The following KCNA3 variants were observed in gnomAD, a reference collection of about 807,000 sequenced individuals.
KCNA3 encodes RP11-284N8.3.
Under a neutral mutation model 34.3 loss-of-function variants are expected in KCNA3, and 18 were observed. That is an observed-to-expected ratio of 0.52 (90% CI 0.36 to 0.78). The LOEUF is 0.78. Among genes scored for constraint, KCNA3 ranks in the 30% least tolerant of loss-of-function variants. KCNA3 has a pLI of 0.00. For missense variants in KCNA3, 587 were observed against 802.5 expected (o/e 0.73, Z 3.24); for synonymous variants, 324 against 351.7 (o/e 0.92, Z 0.88).
chr1:110,653,901 T>C, the KCNA3 span: 1 of 152,070 alleles, frequency 6.6e-6, no homozygotes. Context: ...AAATAATGCT[T>C]GCTTATTTGA....
the KCNA3 span, among the ~76,000 whole-genome samples, chr1:110,663,134 C>A: frequency 3.3e-4 from 50 of 152,170 alleles, no homozygotes; most frequent in African/African-American, 9.6e-4. Flanking sequence ...TCTTAAATGT[C>A]TAATACCTTG....
downstream of KCNA3, among the ~76,000 whole-genome samples, chr1:110,670,202 C>G (rs1223683325): frequency 6.6e-6 from 1 of 152,178 alleles, no homozygotes; most frequent in African/African-American, 2.4e-5. Context: ...TGTAAGATAA[C>G]AGCCATTCAC....
At chr1:110,654,258 A>G in the KCNA3 span, 1 of 152,214 alleles carries the variant, frequency 6.6e-6, no homozygotes, top group Non-Finnish European at 1.5e-5. Flanking sequence ...CTTGATAATC[A>G]ATTCTTTTTG....
the KCNA3 span, among the ~76,000 whole-genome samples, chr1:110,667,303 C>G: frequency 6.6e-6 from 1 of 151,958 alleles, no homozygotes; most frequent in Admixed American, 6.6e-5. Flanking sequence ...TGGGTAGGGG[C>G]CTCCATAGAG....
downstream of KCNA3, among the ~76,000 whole-genome samples, chr1:110,668,953 C>T (rs200280322): frequency 6.6e-5 from 10 of 152,296 alleles, no homozygotes; most frequent in East Asian, 1.9e-3. Flanking sequence ...AATCATTATC[C>T]ATTTTCATTT....
chr1:110,672,097 T>C (rs140864656), downstream of KCNA3, among the ~76,000 whole-genome samples: 250 of 152,238 alleles, frequency 1.6e-3, 1 homozygote, highest in Non-Finnish European at 3.1e-3. Flanking sequence ...TCTGGAAAGG[T>C]TACTGTGGAA....
chr1:110,664,097 A>C, the KCNA3 span, among the ~76,000 whole-genome samples: 1 of 152,162 alleles, frequency 6.6e-6, no homozygotes, highest in Non-Finnish European at 1.5e-5. Flanking sequence ...GATTTTCAGG[A>C]CTCATCATTA....
At chr1:110,665,847 T>A in the KCNA3 span, among the ~76,000 whole-genome samples, 1 of 152,084 alleles carries the variant, frequency 6.6e-6, no homozygotes, top group Non-Finnish European at 1.5e-5. Flanking sequence ...TAGGTCAAAT[T>A]GAAATGAGAA....
At chr1:110,659,893 C>A in the KCNA3 span, among the ~76,000 whole-genome samples, 1 of 147,034 alleles carries the variant, frequency 6.8e-6, no homozygotes, top group African/African-American at 2.5e-5. Flanking sequence ...AATGAGATCA[C>A]TCGGACACAA....
At chr1:110,659,624 T>C in the KCNA3 span, among the ~76,000 whole-genome samples, 1 of 152,164 alleles carries the variant, frequency 6.6e-6, no homozygotes, top group Non-Finnish European at 1.5e-5. Context: ...TACTGGTATA[T>C]TTAACTTTTA....
chr1:110,662,040 G>C, the KCNA3 span, among the ~76,000 whole-genome samples: 1 of 149,712 alleles, frequency 6.7e-6, no homozygotes, highest in African/African-American at 2.5e-5. Flanking sequence ...GTGAACCCGG[G>C]AGGCAAAACT....
Position 110,672,969 on chromosome 1 carries a change from T to G in KCNA3, c.*113A>C. The stretch of plus-strand genomic sequence containing the variant: ...GAGAATGAAGTGTGCTTTCCACTTC[T>G]TCAGGTCCTTTCCTTGATGAATGGT... On this transcript the variant is annotated 3_prime_UTR_variant, in exon 1 of 1. Coordinates refer to ENST00000369769, the MANE Select transcript of KCNA3 (RefSeq NM_002232.5). The G allele has an allele frequency of 9.3e-7, 1 of 1,078,974 alleles. No homozygotes were observed. Among genetic ancestry groups the G allele is most frequent in the Non-Finnish European group, 1.3e-6 (1 of 742,818 alleles). The allele number at this position is 1,078,974 out of a possible 1,614,324, so 66.8% of individuals were successfully genotyped here.
At chr1:110,666,176 T>C in the KCNA3 span, among the ~76,000 whole-genome samples, 1 of 152,214 alleles carries the variant, frequency 6.6e-6, no homozygotes, top group Non-Finnish European at 1.5e-5. Context: ...TACTTTATCC[T>C]TACAATTGGA....
At position 110,674,934 on chromosome 1, in the gene KCNA3, T is replaced by TCCCGCAC; in HGVS notation, c.-126_-125insGTGCGGG. 8.3e-7 allele frequency: 1 copy of TCCCGCAC among 1,203,690 alleles called. No homozygotes were observed. Among genetic ancestry groups the TCCCGCAC allele is most frequent in the East Asian group, 3.2e-5 (1 of 30,806 alleles). 74.6% of individuals were successfully genotyped at this position (1,203,690 alleles called of 1,614,324 possible). On this transcript the variant is annotated 5_prime_UTR_variant, in exon 1 of 1. Transcript: ENST00000369769. This position sits in a 1 kb window ranked among gnomAD's most constrained non-coding sequence, Gnocchi z 6.4. ...GCAGCCAAAGCCGCGATGCTCTGTC[T>TCCCGCAC]GGGTCTGGCGCGGTCAGCCGGGCTC...
chr1:110,657,881 T>C, the KCNA3 span, among the ~76,000 whole-genome samples: 1 of 152,246 alleles, frequency 6.6e-6, no homozygotes, highest in Admixed American at 6.5e-5. Flanking sequence ...GATAATTAGT[T>C]ATAAGGATTA....
chr1:110,661,877 C>A, the KCNA3 span, among the ~76,000 whole-genome samples: 2 of 151,836 alleles, frequency 1.3e-5, no homozygotes, highest in South Asian at 4.2e-4. Flanking sequence ...GGGAGGCCAA[C>A]GCGGGCGGAT....
Position 110,673,016 on chromosome 1 carries a change from G to GC in KCNA3, c.*65dup. On this transcript the variant is annotated 3_prime_UTR_variant, in exon 1 of 1. Coordinates refer to ENST00000369769, the MANE Select transcript of KCNA3 (RefSeq NM_002232.5). The surrounding 1 kb of genome is among the most constrained non-coding windows in gnomAD (Gnocchi z 8.8). ...TGGTCTGGAAATGTATAAAACAAGG[G>GC]CATAGGCAGACCAAGGGGGCACGTT... 1 of 1,447,144 alleles carries GC rather than the reference G, an allele frequency of 6.9e-7. No homozygotes were observed. The highest frequency in any genetic ancestry group is 9.5e-7 in the Non-Finnish European group (1 of 1,055,074). 89.6% of individuals were successfully genotyped at this position (1,447,144 alleles called of 1,614,324 possible).
At chr1:110,659,997 T>G in the KCNA3 span, among the ~76,000 whole-genome samples, 1 of 152,106 alleles carries the variant, frequency 6.6e-6, no homozygotes, top group Non-Finnish European at 1.5e-5. Flanking sequence ...GACAAGTTGA[T>G]GGGTGCAGCA....
chr1:110,665,595 G>A, the KCNA3 span, among the ~76,000 whole-genome samples: 1 of 152,156 alleles, frequency 6.6e-6, no homozygotes, highest in Non-Finnish European at 1.5e-5. Context: ...TAGGCAGGTG[G>A]AAATTCAGTC....
Sources: gnomAD v4.1 joint callset for allele counts (sites outside exome capture counted in the v4.1 genomes callset) on GRCh38, gnomAD v4.1.1 for gene constraint, Gnocchi (gnomAD v3.1) non-coding constraint, MANE v1.5 for transcripts, NCBI Gene and HGNC (gene_info 2026-07-23, HGNC 2026-07-21) for gene names.